LMCD1: variants seen among roughly 807,000 people sequenced by gnomAD.
LMCD1 encodes the protein LIM and cysteine rich domains 1, also known as LIM and cysteine-rich domains protein 1.
LMCD1 carries 32 observed loss-of-function variants against 42.7 expected under a neutral mutation model. The ratio of observed to expected loss-of-function variants is 0.75; its 90% CI spans 0.57 to 1.01. The LOEUF (loss-of-function observed/expected upper bound fraction) is 1.01, where lower values mean the gene tolerates loss of function less well. Among genes scored for constraint, LMCD1 ranks in the 50% least tolerant of loss-of-function variants. The pLI, the probability that LMCD1 is intolerant of heterozygous loss-of-function variation, is 0.00. For missense variants in LMCD1, 458 were observed against 483.1 expected (o/e 0.95, Z 0.49); for synonymous variants, 178 against 184.9 (o/e 0.96, Z 0.30).
chr3:8,527,855 G>A (rs1041347853), intron 1 of LMCD1, among the ~76,000 whole-genome samples: 13 of 152,180 alleles, frequency 8.5e-5, no homozygotes, highest in African/African-American at 3.1e-4. Flanking sequence ...CATTAATGAG[G>A]GAACCCGTAT....
chr3:8,526,195 T>C (rs192700433), intron 1 of LMCD1, among the ~76,000 whole-genome samples: 2 of 152,338 alleles, frequency 1.3e-5, no homozygotes, highest in Non-Finnish European at 2.9e-5. Context: ...CATGACACAC[T>C]GTTTCTCCTT....
chr3:8,504,700 G>A (rs369962348), intron 1 of LMCD1, among the ~76,000 whole-genome samples: 2 of 152,128 alleles, frequency 1.3e-5, no homozygotes, highest in South Asian at 2.1e-4. Flanking sequence ...TGCTTCCACC[G>A]GCTGCTCTTG....
intron 1 of LMCD1, among the ~76,000 whole-genome samples, chr3:8,518,337 A>T (rs539612055): frequency 2.7e-4 from 41 of 152,330 alleles, no homozygotes; most frequent in African/African-American, 9.4e-4. Flanking sequence ...TTCATGGAGA[A>T]GCCTGCAGCA....
intron 1 of LMCD1, among the ~76,000 whole-genome samples, chr3:8,510,260 G>T (rs558628174): frequency 2.6e-4 from 39 of 152,286 alleles, no homozygotes; most frequent in African/African-American, 8.2e-4. Context: ...TCCTGGAGGA[G>T]AGCCACCCCT....
intron 4 of LMCD1, chr3:8,551,162 T>C (rs1694832583): frequency 4.1e-6 from 4 of 985,404 alleles, no homozygotes; most frequent in Non-Finnish European, 4.8e-6. Flanking sequence ...CTTTAATTAT[T>C]ATGTAATTAG....
At chr3:8,565,386 C>T (rs778962306) in intron 4 of LMCD1, 46 bp from the exon 5 acceptor site, 12 of 1,539,772 alleles carry the variant, frequency 7.8e-6, no homozygotes, top group Non-Finnish European at 9.0e-6. Context: ...TGTCACTGTG[C>T]TCTCCTGACT....
chr3:8,506,354 C>G (rs1212955374), intron 1 of LMCD1, among the ~76,000 whole-genome samples: 1 of 152,162 alleles, frequency 6.6e-6, no homozygotes, highest in Non-Finnish European at 1.5e-5. Flanking sequence ...TTGATCCTCT[C>G]TTCATGCTAA....
intron 1 of LMCD1, among the ~76,000 whole-genome samples, chr3:8,516,636 T>G (rs1259952468): frequency 6.6e-6 from 1 of 152,204 alleles, no homozygotes; most frequent in African/African-American, 2.4e-5. Context: ...GCTTTATAAT[T>G]TTAGCCAAGC....
At chr3:8,521,251 T>G (rs1481040986) in intron 1 of LMCD1, among the ~76,000 whole-genome samples, 2 of 152,160 alleles carry the variant, frequency 1.3e-5, no homozygotes, top group Admixed American at 6.5e-5. Context: ...GCCAACAGAA[T>G]GTTCAACAAG....
chr3:8,524,579 C>T (rs2125018089), intron 1 of LMCD1, among the ~76,000 whole-genome samples: 1 of 152,274 alleles, frequency 6.6e-6, no homozygotes, highest in East Asian at 1.9e-4. Flanking sequence ...AATGGTGGTC[C>T]ACAAGCTGCT....
At position 8,570,909 on chromosome 3, in the gene LMCD1, A is replaced by T. The variant is rs1695202652; in HGVS notation, c.*3311A>T. The T allele has an allele frequency of 3.3e-5, 5 of 152,014 alleles. No individual in the cohort carries two copies. 9.4% of individuals were successfully genotyped at this position (152,014 alleles called of 1,614,324 possible). Reference sequence around the variant, plus strand: ...CACAGTGTGTGCCCCTGCTTTCCTCACCTCTGTACCATCACTCACGCTGTG... The same window carrying T: ...CACAGTGTGTGCCCCTGCTTTCCTCTCCTCTGTACCATCACTCACGCTGTG... On this transcript the variant is annotated 3_prime_UTR_variant, in exon 6 of 6. Coordinates refer to ENST00000157600, the MANE Select transcript of LMCD1 (RefSeq NM_014583.4).
chr3:8,543,452 CAGAGAGAT>C (rs1305782072), intron 3 of LMCD1, among the ~76,000 whole-genome samples: 3 of 149,286 alleles, frequency 2.0e-5, no homozygotes, highest in African/African-American at 7.5e-5. Context: ...GACAGACAGA[CAGAGAGAT>C]AGACAGACAG....
chr3:8,522,988 C>A (rs1257128570), intron 1 of LMCD1, among the ~76,000 whole-genome samples: 1 of 152,140 alleles, frequency 6.6e-6, no homozygotes, highest in Admixed American at 6.5e-5. Context: ...CACACACAAA[C>A]CATGTAATAG....
chr3:8,504,679 T>A (rs1280868940), intron 1 of LMCD1, among the ~76,000 whole-genome samples: 1 of 152,246 alleles, frequency 6.6e-6, no homozygotes, highest in Non-Finnish European at 1.5e-5. Context: ...TCTCTTTCTT[T>A]CTAAGTAAAA....
intron 1 of LMCD1, among the ~76,000 whole-genome samples, chr3:8,520,588 A>G (rs1262056006): frequency 6.6e-6 from 1 of 152,178 alleles, no homozygotes; most frequent in Non-Finnish European, 1.5e-5. Flanking sequence ...TAAGATTCCC[A>G]GGGAGTTTGG....
At chr3:8,530,785 G>T (rs1478276039) in intron 1 of LMCD1, among the ~76,000 whole-genome samples, 1 of 152,234 alleles carries the variant, frequency 6.6e-6, no homozygotes, top group African/African-American at 2.4e-5. Flanking sequence ...TATGCCAGTG[G>T]CTTTAGGGAG....
Position 8,502,608 on chromosome 3 carries a change from G to A in LMCD1, c.42+628G>A, listed in dbSNP as rs367652369. On this transcript the variant is annotated intron_variant, in intron 1 of 5. Transcript: ENST00000157600. ...CACACACACACACACACACACACACGCACGCAGTTTCTTTAGTTGGTGATG... is the reference window on the plus strand; with the variant it reads ...CACACACACACACACACACACACACACACGCAGTTTCTTTAGTTGGTGATG... Among the ~76,000 whole-genome samples the A allele has an allele frequency of 4.4e-3, 596 of 135,830 alleles. 3 individuals carry two copies. Among genetic ancestry groups the A allele is most frequent in the African/African-American group, 0.015 (551 of 36,696 alleles). 89.1% of individuals were successfully genotyped at this position (135,830 alleles called of 152,430 possible). A position where few individuals can be genotyped will look rare whatever the true frequency, so the allele number is the denominator to read the frequency against.
chr3:8,546,274 TA>T (rs888132121), intron 3 of LMCD1, among the ~76,000 whole-genome samples: 7 of 152,224 alleles, frequency 4.6e-5, no homozygotes, highest in African/African-American at 1.2e-4. Flanking sequence ...CTGATGAGCT[TA>T]AAAAAAATCA....
chr3:8,527,446 G>A lies in LMCD1; in HGVS notation c.43-5291G>A, dbSNP rs77988155. 7.7e-3 allele frequency among the ~76,000 whole-genome samples: 1,169 copies of A among 152,232 alleles called. 16 individuals are homozygous for A. Among genetic ancestry groups the A allele is most frequent in the African/African-American group, 0.027 (1,134 of 41,534 alleles). On this transcript the variant is annotated intron_variant, in intron 1 of 5. Coordinates refer to ENST00000157600, the MANE Select transcript of LMCD1 (RefSeq NM_014583.4). Reference sequence around the variant, plus strand: ...TATTATTAAATAAGAGAATTACTAAGTAAAATCACTGAGTAAAATTCATGG... The same window carrying A: ...TATTATTAAATAAGAGAATTACTAAATAAAATCACTGAGTAAAATTCATGG...
Sources: allele counts gnomAD v4.1 joint callset (sites outside exome capture counted in the v4.1 genomes callset), GRCh38; gene constraint gnomAD v4.1.1; transcripts MANE v1.5; gene names NCBI Gene and HGNC (gene_info 2026-07-23, HGNC 2026-07-21).